The following MAP3K7 variants were observed in gnomAD, a reference collection of about 807,000 sequenced individuals.
MAP3K7 encodes the protein TGF-beta activated kinase 1.
In MAP3K7, 21 loss-of-function variants were observed where a neutral mutation model predicts 84.8. The observed-to-expected ratio is 0.25, with a 90% CI of 0.18 to 0.36. The LOEUF (loss-of-function observed/expected upper bound fraction) is 0.36. MAP3K7 is among the 10% of genes least tolerant of loss of function. The pLI is 1.00. For synonymous variants in MAP3K7, 241 were observed against 247.7 expected (o/e 0.97, Z 0.25); for missense variants, 503 against 747.7 (o/e 0.67, Z 3.82).
chr6:90,562,734 C>T (rs1776567383), intron 3 of MAP3K7, among the ~76,000 whole-genome samples: 1 of 152,184 alleles, frequency 6.6e-6, no homozygotes, highest in African/African-American at 2.4e-5. Context: ...AGTGATTCTC[C>T]CAGCATGGAG....
At chr6:90,521,542 A>G (rs934879614) in intron 14 of MAP3K7, among the ~76,000 whole-genome samples, 3 of 152,112 alleles carry the variant, frequency 2.0e-5, no homozygotes, top group African/African-American at 4.8e-5. Flanking sequence ...TCTTACAACT[A>G]TCAAAACACT....
At chr6:90,526,870 T>C (rs10944488) in intron 13 of MAP3K7, among the ~76,000 whole-genome samples, 4,113 of 152,152 alleles carry the variant, frequency 0.027, 68 homozygotes, top group Middle Eastern at 0.044. Context: ...AAGAAGAAAC[T>C]TTCTGACCCA....
intron 2 of MAP3K7, among the ~76,000 whole-genome samples, chr6:90,570,224 C>T (rs1360932694): frequency 6.6e-6 from 1 of 152,100 alleles, no homozygotes; most frequent in Non-Finnish European, 1.5e-5. Flanking sequence ...AAACAGCATA[C>T]ATTTTTGGAA....
At chr6:90,583,124 C>G (rs1384023273) in intron 1 of MAP3K7, among the ~76,000 whole-genome samples, 1 of 152,142 alleles carries the variant, frequency 6.6e-6, no homozygotes, top group African/African-American at 2.4e-5. Flanking sequence ...TTCAAGTGAT[C>G]TGCCCGCACT....
intron 13 of MAP3K7, among the ~76,000 whole-genome samples, chr6:90,526,708 T>C (rs1415727433): frequency 6.6e-6 from 1 of 151,810 alleles, no homozygotes; most frequent in Admixed American, 6.6e-5. Flanking sequence ...TCGGAGACAA[T>C]ACTATAAAAA....
Position 90,513,950 on chromosome 6 carries a change from A to G in MAP3K7, c.*2551T>C, listed in dbSNP as rs1470458227. The G allele has an allele frequency of 6.6e-6, 1 of 152,094 alleles. No individual in the cohort carries two copies. The highest frequency in any genetic ancestry group is 1.5e-5 in the Non-Finnish European group (1 of 67,996). The allele number at this position is 152,094 out of a possible 1,614,324, so 9.4% of individuals were successfully genotyped here. A position where few individuals can be genotyped will look rare whatever the true frequency, so the allele number is the denominator to read the frequency against. ...TATATGTTGTGTTGCTATGCGGTAA[A>G]TATTCTTAACTGATTATTATTCAAC... On this transcript the variant is annotated 3_prime_UTR_variant, in exon 17 of 17. Transcript: ENST00000369329.
intron 13 of MAP3K7, among the ~76,000 whole-genome samples, chr6:90,532,480 G>A (rs1369031631): frequency 6.6e-6 from 1 of 152,156 alleles, no homozygotes; most frequent in Non-Finnish European, 1.5e-5. Context: ...GGAAATTAAG[G>A]AACTTGCCCA....
At chr6:90,582,829 T>C (rs1777320083) in intron 1 of MAP3K7, among the ~76,000 whole-genome samples, 1 of 151,998 alleles carries the variant, frequency 6.6e-6, no homozygotes, top group South Asian at 2.1e-4. Flanking sequence ...CAGTCTGATA[T>C]CATACTAAGT....
chr6:90,578,888 T>A (rs559037480), intron 1 of MAP3K7, among the ~76,000 whole-genome samples: 1 of 152,344 alleles, frequency 6.6e-6, no homozygotes, highest in East Asian at 1.9e-4. Flanking sequence ...CAACCTTATA[T>A]TTAACAATAT....
intron 13 of MAP3K7, among the ~76,000 whole-genome samples, chr6:90,535,498 C>T (rs1477301573): frequency 1.3e-5 from 2 of 151,864 alleles, no homozygotes; most frequent in African/African-American, 4.8e-5. Flanking sequence ...TACTTTTATG[C>T]TGCTCTCATA....
intron 5 of MAP3K7, among the ~76,000 whole-genome samples, chr6:90,559,097 A>G (rs1776424701): frequency 6.6e-6 from 1 of 152,248 alleles, no homozygotes; most frequent in Non-Finnish European, 1.5e-5. Context: ...AACTAAGATA[A>G]TAGCCTCAGG....
chr6:90,558,387 T>C (rs1776404343), intron 5 of MAP3K7, among the ~76,000 whole-genome samples: 1 of 152,000 alleles, frequency 6.6e-6, no homozygotes, highest in South Asian at 2.1e-4. Flanking sequence ...TATTCATGTA[T>C]GTCCAATTAT....
At position 90,586,886 on chromosome 6, in the gene MAP3K7, T is replaced by C. The variant is rs755551922; in HGVS notation, c.-3A>G. On this transcript the variant is annotated 5_prime_UTR_variant, in exon 1 of 17. Coordinates refer to ENST00000369329, the MANE Select transcript of MAP3K7 (RefSeq NM_145331.3). ...GAGGCGGCAGAGGCTGTAGACATGA[T>C]CCCTCGCGGCGCCCGGTGGGGCCGG... The C allele has an allele frequency of 6.2e-7, 1 of 1,603,020 alleles. No individual in the cohort carries two copies.
chr6:90,552,882 C>A (rs1282064911), intron 7 of MAP3K7, among the ~76,000 whole-genome samples: 1 of 152,166 alleles, frequency 6.6e-6, no homozygotes, highest in Non-Finnish European at 1.5e-5. Flanking sequence ...ATTTGAATCC[C>A]AGCTCTACCA....
At chr6:90,525,034 G>T (rs997864845) in intron 13 of MAP3K7, among the ~76,000 whole-genome samples, 11 of 142,890 alleles carry the variant, frequency 7.7e-5, no homozygotes, top group African/African-American at 2.2e-4. Flanking sequence ...AAAAGAAAGA[G>T]AAATAAAACA....
chr6:90,535,333 C>T (rs962425108), intron 13 of MAP3K7, among the ~76,000 whole-genome samples: 9 of 151,656 alleles, frequency 5.9e-5, no homozygotes, highest in African/African-American at 2.2e-4. Context: ...AGTACTAATA[C>T]ATATTATCAT....
intron 14 of MAP3K7, among the ~76,000 whole-genome samples, chr6:90,523,094 A>G (rs1229596350): frequency 6.6e-6 from 1 of 152,178 alleles, no homozygotes; most frequent in Admixed American, 6.5e-5. Flanking sequence ...ATTAATACTA[A>G]TATTGTGAAC....
chr6:90,575,806 G>GC (rs1777055438), intron 1 of MAP3K7, among the ~76,000 whole-genome samples: 1 of 152,088 alleles, frequency 6.6e-6, no homozygotes, highest in Non-Finnish European at 1.5e-5. Flanking sequence ...AGTGAGGCTT[G>GC]ATGTTGAAAG....
At position 90,524,511 on chromosome 6, in the gene MAP3K7, A is replaced by G. The variant is rs775384299; in HGVS notation, c.1357-728T>C. On this transcript the variant is annotated intron_variant, in intron 13 of 16. Transcript: ENST00000369329. ...AAAGCAGCCAGAAGAAAGCAGAACA[A>G]TATCTTCAAAGTGCTGAAAAATAAC... 3.9e-5 allele frequency among the ~76,000 whole-genome samples: 6 copies of G among 152,226 alleles called. No homozygotes were observed. The South Asian group carries it at 6.2e-4, about 16-fold the overall frequency.
Sources: gnomAD v4.1 joint callset for allele counts (sites outside exome capture counted in the v4.1 genomes callset) on GRCh38, gnomAD v4.1.1 for gene constraint, MANE v1.5 for transcripts, NCBI Gene and HGNC (gene_info 2026-07-23, HGNC 2026-07-21) for gene names.